Variants in ITGB8 observed in about 807,000 individuals in gnomAD.
ITGB8 encodes the protein integrin subunit beta 8.
In ITGB8, 30 loss-of-function variants were observed where a neutral mutation model predicts 89.5. That is an observed-to-expected ratio of 0.34 (90% CI 0.25 to 0.45). The LOEUF is 0.45. Ranked by LOEUF, ITGB8 falls within the 20% of genes least tolerant of loss-of-function variation. The probability of loss-of-function intolerance (pLI) is 1.00; values close to 1 mark genes in which losing one functional copy is unlikely to be tolerated. For synonymous variants in ITGB8, 335 were observed against 320.4 expected, an observed-to-expected ratio of 1.05 and a Z score of -0.49; for missense variants, 836 against 933.3, an observed-to-expected ratio of 0.90 and a Z score of 1.36.
rs1786413463 is a variant in ITGB8, at chr7:20,381,899, A to G, written c.960+14A>G. Reference sequence around the variant, plus strand: ...TCGACAACCATGGTAATGCAGCAGTAACCGCTTAGTAGATATGACTCTTTT... The same window carrying G: ...TCGACAACCATGGTAATGCAGCAGTGACCGCTTAGTAGATATGACTCTTTT... On this transcript the variant is annotated intron_variant, in intron 6 of 13. Coordinates refer to ENST00000222573, the MANE Select transcript of ITGB8 (RefSeq NM_002214.3). The G allele has an allele frequency of 6.2e-7, 1 of 1,606,046 alleles. No homozygotes were observed. Among genetic ancestry groups the G allele is most frequent in the Non-Finnish European group, 8.5e-7 (1 of 1,176,132 alleles).
At position 20,363,697 on chromosome 7, in the gene ITGB8, C is replaced by T. The variant is rs1325615146; in HGVS notation, c.188C>T (p.Pro63Leu). The change falls in exon 2 of 14, where the codon CCA (proline) becomes CTA (leucine). Residue 63 changes from proline to leucine, a missense_variant. Transcript: ENST00000222573. Reference protein sequence around the residue: ...ASCARCLALGPECGWCVQEDF... With the variant: ...ASCARCLALGLECGWCVQEDF... ...TGTGCCAGGTGCCTTGCGCTGGGTCCAGAATGTGGATGGTGTGTTCAAGAG... is the reference window on the plus strand; with the variant it reads ...TGTGCCAGGTGCCTTGCGCTGGGTCTAGAATGTGGATGGTGTGTTCAAGAG... 3 of 1,604,020 alleles carry T rather than the reference C, an allele frequency of 1.9e-6. No homozygotes were observed. In the African/African-American group the frequency reaches 4.1e-5, roughly 22 times the overall value.
chr7:20,372,181 G>C (rs938315755), intron 3 of ITGB8, among the ~76,000 whole-genome samples: 2 of 152,070 alleles, frequency 1.3e-5, no homozygotes, highest in Non-Finnish European at 2.9e-5. Flanking sequence ...ATATAAGTTT[G>C]AAAATTATAA....
Position 20,332,057 on chromosome 7 carries a change from C to T in ITGB8, c.127+124C>T, listed in dbSNP as rs1432211082. On this transcript the variant is annotated intron_variant, in intron 1 of 13. Coordinates refer to ENST00000222573, the MANE Select transcript of ITGB8 (RefSeq NM_002214.3). ...CGGTCATCAGAGAACTTCAAGGGGG[C>T]GGGTGCGGGGCAGCGTCCTCCAGCA... 13 of 1,467,524 alleles carry T rather than the reference C, an allele frequency of 8.9e-6. No individual in the cohort carries two copies. In the South Asian group the frequency reaches 1.5e-4, roughly 17 times the overall value. 90.9% of individuals were successfully genotyped at this position (1,467,524 alleles called of 1,614,324 possible). A position where few individuals can be genotyped will look rare whatever the true frequency, so the allele number is the denominator to read the frequency against.
intron 11 of ITGB8, among the ~76,000 whole-genome samples, chr7:20,405,363 G>A (rs911310750): frequency 4.7e-5 from 7 of 149,476 alleles, no homozygotes; most frequent in South Asian, 4.2e-4. Flanking sequence ...TCTGTCACCC[G>A]GCTGGAGTGC....
rs142668539 is a variant in ITGB8, at chr7:20,376,435, T to C, written c.389-2616T>C. On this transcript the variant is annotated intron_variant, in intron 3 of 13. Transcript: ENST00000222573. ...TAAGTGGCTCTATGATGAGATCACG[T>C]ACAAAGGTTAAGTGGGGGTGTTAAC... is the stretch of plus-strand genomic sequence containing the variant. Among the ~76,000 whole-genome samples the C allele has an allele frequency of 4.6e-5, 7 of 152,328 alleles. No homozygotes were observed. In the East Asian group the frequency reaches 1.2e-3, roughly 25 times the overall value.
chr7:20,361,217 C>A (rs534912376), intron 1 of ITGB8, among the ~76,000 whole-genome samples: 4 of 152,204 alleles, frequency 2.6e-5, no homozygotes, highest in Admixed American at 2.6e-4. Context: ...ACTGCCAACA[C>A]AAAAGTCTTA....
chr7:20,399,659 G>A (rs1378628880), intron 9 of ITGB8, among the ~76,000 whole-genome samples: 1 of 151,976 alleles, frequency 6.6e-6, no homozygotes, highest in East Asian at 1.9e-4. Context: ...TCCAAGGATT[G>A]GCACAACGGA....
chr7:20,360,227 G>C (rs1785447031), intron 1 of ITGB8, among the ~76,000 whole-genome samples: 1 of 152,110 alleles, frequency 6.6e-6, no homozygotes, highest in African/African-American at 2.4e-5. Context: ...GGAAGTAGGA[G>C]CCTTATCTGA....
rs922126953 is a variant in ITGB8, at chr7:20,414,368, AT to A, written c.*4374del. On this transcript the variant is annotated 3_prime_UTR_variant, in exon 14 of 14. Coordinates refer to ENST00000222573, the MANE Select transcript of ITGB8 (RefSeq NM_002214.3). Reference sequence around the variant, plus strand: ...TTTATACTTTACGTGAGTGCGAATGATTTCAGCAAACCCTAACTTAACTAAC... The same window carrying A: ...TTTATACTTTACGTGAGTGCGAATGATTCAGCAAACCCTAACTTAACTAAC... The A allele has an allele frequency of 3.3e-5, 5 of 152,300 alleles. No homozygotes were observed. The highest frequency in any genetic ancestry group is 9.6e-5 in the African/African-American group (4 of 41,458). The allele number at this position is 152,300 out of a possible 1,614,324, so 9.4% of individuals were successfully genotyped here. A position where few individuals can be genotyped will look rare whatever the true frequency, so the allele number is the denominator to read the frequency against.
At chr7:20,334,438 T>C (rs1784510292) in intron 1 of ITGB8, among the ~76,000 whole-genome samples, 1 of 152,190 alleles carries the variant, frequency 6.6e-6, no homozygotes, top group African/African-American at 2.4e-5. Flanking sequence ...TCACAGTTTC[T>C]TTTAAAAAAG....
chr7:20,388,154 T>C (rs2127969706), intron 6 of ITGB8, among the ~76,000 whole-genome samples: 1 of 152,328 alleles, frequency 6.6e-6, no homozygotes, highest in East Asian at 1.9e-4. Context: ...CTTTCTTACC[T>C]CTTCTTTCCT....
At chr7:20,332,132 C>T (rs746506623) in intron 1 of ITGB8, 199 bp downstream of exon 1, 10 of 1,188,708 alleles carry the variant, frequency 8.4e-6, no homozygotes, top group Non-Finnish European at 1.0e-5. Flanking sequence ...GGAGCGACAG[C>T]AAGGACTAAT....
intron 8 of ITGB8, among the ~76,000 whole-genome samples, chr7:20,396,101 T>C (rs557929403): frequency 6.6e-6 from 1 of 152,322 alleles, no homozygotes; most frequent in South Asian, 2.1e-4. Context: ...TTCCTTTAGC[T>C]TGGGCACAAA....
At position 20,411,881 on chromosome 7, in the gene ITGB8, C is replaced by G. The variant is rs1787775514; in HGVS notation, c.*1884C>G. On this transcript the variant is annotated 3_prime_UTR_variant, in exon 14 of 14. Transcript: ENST00000222573. Reference sequence around the variant, plus strand: ...GAGACCTTGATACACGGGCCATGAGCCCTGTCTTCCCCAATGGAAATTTAT... The same window carrying G: ...GAGACCTTGATACACGGGCCATGAGGCCTGTCTTCCCCAATGGAAATTTAT... The G allele has an allele frequency of 6.6e-6, 1 of 152,370 alleles. No homozygotes were observed. Among genetic ancestry groups the G allele is most frequent in the African/African-American group, 2.4e-5 (1 of 41,436 alleles). 9.4% of individuals were successfully genotyped at this position (152,370 alleles called of 1,614,324 possible). A position where few individuals can be genotyped will look rare whatever the true frequency, so the allele number is the denominator to read the frequency against.
At position 20,404,818 on chromosome 7, in the gene ITGB8, C is replaced by T. The variant is rs1195071916; in HGVS notation, c.1878C>T (p.His626=). The change falls in exon 11 of 14, where the codon CAC becomes CAT. Residue 626 remains histidine (H), a synonymous_variant. Transcript: ENST00000222573. ...GGAGCATCGGCCGCTTCTGTGAACA[C>T]TGCCCCACCTGTTATACAGCCTGCA... The part of the protein sequence containing the change: ...DPRSIGRFCE[H]CPTCYTACKE... 3.1e-6 allele frequency: 5 copies of T among 1,614,098 alleles called. No homozygotes were observed. In the African/African-American group the frequency reaches 5.3e-5, roughly 17 times the overall value.
chr7:20,387,130 C>T (rs1786658318), intron 6 of ITGB8, among the ~76,000 whole-genome samples: 1 of 152,168 alleles, frequency 6.6e-6, no homozygotes, highest in Non-Finnish European at 1.5e-5. Context: ...TTTTCTTGAG[C>T]AGACCTATGG....
At chr7:20,344,220 T>G (rs1331302185) in intron 1 of ITGB8, among the ~76,000 whole-genome samples, 1 of 152,108 alleles carries the variant, frequency 6.6e-6, no homozygotes. Flanking sequence ...ACAGGAAATA[T>G]GTCAAATGTG....
intron 4 of ITGB8, 150 bp downstream of exon 4, chr7:20,379,447 A>G (rs1786284777): frequency 2.7e-6 from 1 of 371,358 alleles, no homozygotes; most frequent in African/African-American, 2.1e-5. Context: ...GTTTCTTCAT[A>G]TCTGAAAACT....
chr7:20,349,507 GAATAT>G (rs975895597), intron 1 of ITGB8, among the ~76,000 whole-genome samples: 1 of 151,770 alleles, frequency 6.6e-6, no homozygotes, highest in Non-Finnish European at 1.5e-5. Context: ...ATTGCAAGCA[GAATAT>G]AATAAATAAG....
Sources: allele counts gnomAD v4.1 joint callset (sites outside exome capture counted in the v4.1 genomes callset), GRCh38; gene constraint gnomAD v4.1.1; transcripts MANE v1.5; gene names NCBI Gene and HGNC (gene_info 2026-07-23, HGNC 2026-07-21).